INPP5A: variants seen among roughly 807,000 people sequenced by gnomAD.
INPP5A encodes the protein inositol polyphosphate-5-phosphatase A, also known as 43 kDa inositol polyphosphate 5-phophatase.
A neutral mutation model predicts 65.2 loss-of-function variants in INPP5A; 14 were observed. The observed-to-expected ratio is 0.21, with a 90% CI of 0.14 to 0.34. INPP5A has a LOEUF of 0.34. INPP5A is among the 10% of genes least tolerant of loss of function. INPP5A has a pLI of 1.00. For missense variants in INPP5A, 431 were observed against 545.6 expected, an observed-to-expected ratio of 0.79 and a Z score of 2.09; for synonymous variants, 207 against 208.3, an observed-to-expected ratio of 0.99 and a Z score of 0.05.
At chr10:132,606,391 G>C (rs983365414) in intron 1 of INPP5A, among the ~76,000 whole-genome samples, 23 of 152,156 alleles carry the variant, frequency 1.5e-4, no homozygotes, top group African/African-American at 5.6e-4. Context: ...GGGCGGTTGC[G>C]TGCGTCCCAC....
Position 132,651,922 on chromosome 10 carries a change from C to T in INPP5A, c.306+1417C>T, listed in dbSNP as rs2072582105. On this transcript the variant is annotated intron_variant, in intron 4 of 15. Transcript: ENST00000368594. This position sits in a 1 kb window ranked among gnomAD's most constrained non-coding sequence, Gnocchi z 5.0. Reference sequence around the variant, plus strand: ...CCCACACACAAGCGGCCTCTCCTCACGCTCTGTGGGGCACACGGGGACCAC... The same window carrying T: ...CCCACACACAAGCGGCCTCTCCTCATGCTCTGTGGGGCACACGGGGACCAC... Among the ~76,000 whole-genome samples the T allele has an allele frequency of 6.6e-6, 1 of 152,180 alleles. No homozygotes were observed. The highest frequency in any genetic ancestry group is 6.5e-5 in the Admixed American group (1 of 15,288).
intron 1 of INPP5A, among the ~76,000 whole-genome samples, chr10:132,585,042 A>G (rs963120240): frequency 6.6e-6 from 1 of 152,168 alleles, no homozygotes; most frequent in Admixed American, 6.5e-5. Context: ...GTTTAATCAG[A>G]CCTTCAGGGG....
At chr10:132,738,628 C>T (rs546358581) in intron 9 of INPP5A, among the ~76,000 whole-genome samples, 4 of 152,356 alleles carry the variant, frequency 2.6e-5, no homozygotes, top group Middle Eastern at 6.8e-3. Context: ...CTCTAGCTGG[C>T]GTGAGAGCAA....
At chr10:132,646,365 C>T (rs1014970737) in intron 3 of INPP5A, among the ~76,000 whole-genome samples, 5 of 152,248 alleles carry the variant, frequency 3.3e-5, no homozygotes, top group East Asian at 1.9e-4. Context: ...TCCTTGGGGG[C>T]GAAATCTCCA....
intron 1 of INPP5A, among the ~76,000 whole-genome samples, chr10:132,554,553 G>A (rs1416918583): frequency 1.3e-5 from 2 of 151,982 alleles, no homozygotes; most frequent in African/African-American, 4.8e-5. Flanking sequence ...TGGCATGGGT[G>A]TTGTGGGTTG....
At chr10:132,757,389 C>G (rs1846643102) in intron 11 of INPP5A, among the ~76,000 whole-genome samples, 1 of 152,250 alleles carries the variant, frequency 6.6e-6, no homozygotes, top group South Asian at 2.1e-4. Flanking sequence ...TTACTGTTCC[C>G]TCTCTACGTT....
intron 8 of INPP5A, among the ~76,000 whole-genome samples, chr10:132,715,112 T>TG (rs943453498): frequency 6.6e-6 from 1 of 152,160 alleles, no homozygotes; most frequent in Non-Finnish European, 1.5e-5. Flanking sequence ...GGTCAGCCCT[T>TG]GGGGGGCATC....
At chr10:132,781,748 G>A (rs1847165403) in intron 14 of INPP5A, 113 bp from the exon 15 acceptor site, 2 of 877,368 alleles carry the variant, frequency 2.3e-6, no homozygotes, top group East Asian at 2.5e-5. Flanking sequence ...TCCCAGCCCG[G>A]TTCATGGCTG....
chr10:132,604,550 G>T (rs1338913125), intron 1 of INPP5A, among the ~76,000 whole-genome samples: 1 of 152,218 alleles, frequency 6.6e-6, no homozygotes, highest in Admixed American at 6.5e-5. Context: ...TCCTTATGGT[G>T]TGTTTGCCCA....
chr10:132,754,407 C>A (rs1288913369), intron 11 of INPP5A, among the ~76,000 whole-genome samples: 1 of 152,208 alleles, frequency 6.6e-6, no homozygotes, highest in Non-Finnish European at 1.5e-5. Flanking sequence ...GGATTCCCAG[C>A]CGGACTGCCC....
At chr10:132,774,931 T>G (rs543990445) in intron 12 of INPP5A, among the ~76,000 whole-genome samples, 1 of 698 alleles carries the variant, frequency 1.4e-3, no homozygotes, top group Non-Finnish European at 3.0e-3. Flanking sequence ...GAGAGAGGGG[T>G]AGGGAGAGAC....
chr10:132,771,119 T>C (rs1846940179), intron 12 of INPP5A, among the ~76,000 whole-genome samples: 2 of 152,082 alleles, frequency 1.3e-5, no homozygotes, highest in Admixed American at 6.5e-5. Flanking sequence ...TCTGGCAAAA[T>C]ATGGTGTCCG....
At chr10:132,715,778 G>C (rs1465717898) in intron 8 of INPP5A, among the ~76,000 whole-genome samples, 4 of 152,216 alleles carry the variant, frequency 2.6e-5, no homozygotes, top group African/African-American at 9.6e-5. Flanking sequence ...GCTGGCCTCG[G>C]AGAACAGCTC....
At chr10:132,757,631 A>T (rs1284342097) in intron 11 of INPP5A, among the ~76,000 whole-genome samples, 3 of 152,224 alleles carry the variant, frequency 2.0e-5, no homozygotes, top group Non-Finnish European at 4.4e-5. Context: ...AACCCTTGCC[A>T]AACAGCCTGG....
chr10:132,606,385 G>A (rs144066262), intron 1 of INPP5A, among the ~76,000 whole-genome samples: 40 of 152,228 alleles, frequency 2.6e-4, no homozygotes, highest in Non-Finnish European at 3.7e-4. Flanking sequence ...CTGCTGGGGC[G>A]GTTGCGTGCG....
chr10:132,758,404 C>T (rs553787250), intron 11 of INPP5A, among the ~76,000 whole-genome samples: 10 of 149,858 alleles, frequency 6.7e-5, no homozygotes, highest in African/African-American at 2.5e-4. Flanking sequence ...TGGCTGACCC[C>T]ACAACACAGT....
chr10:132,687,309 C>T (rs1399577692), intron 4 of INPP5A, among the ~76,000 whole-genome samples: 1 of 152,264 alleles, frequency 6.6e-6, no homozygotes, highest in Admixed American at 6.5e-5. Flanking sequence ...AGCAGGTTCA[C>T]AGCAGATGCC....
At position 132,644,908 on chromosome 10, in the gene INPP5A, G is replaced by A. The variant is rs980764261; in HGVS notation, c.118-960G>A. Among the ~76,000 whole-genome samples the A allele has an allele frequency of 6.6e-6, 1 of 152,196 alleles. No individual in the cohort carries two copies. Among genetic ancestry groups the A allele is most frequent in the African/African-American group, 2.4e-5 (1 of 41,454 alleles). ...TCCTGGCCTGTCAGGACTCCCATGA[G>A]TGGCGAGGTGTGCGGTGTGGGGCAG... is the stretch of plus-strand genomic sequence containing the variant. On this transcript the variant is annotated intron_variant, in intron 2 of 15. Transcript: ENST00000368594. The surrounding 1 kb of genome is among the most constrained non-coding windows in gnomAD (Gnocchi z 6.5).
chr10:132,683,969 C>T (rs573130735), intron 4 of INPP5A, among the ~76,000 whole-genome samples: 1 of 152,326 alleles, frequency 6.6e-6, no homozygotes, highest in South Asian at 2.1e-4. Context: ...CCCACCTTGG[C>T]CTCCCAAAGT....
Sources: gnomAD v4.1 joint callset for allele counts (sites outside exome capture counted in the v4.1 genomes callset) on GRCh38, gnomAD v4.1.1 for gene constraint, Gnocchi (gnomAD v3.1) non-coding constraint, MANE v1.5 for transcripts, NCBI Gene and HGNC (gene_info 2026-07-23, HGNC 2026-07-21) for gene names.